Variants in BAIAP2 observed in about 807,000 individuals in gnomAD.
The protein encoded by BAIAP2 is BAR/IMD domain-containing adapter protein 2.
In BAIAP2, 18 loss-of-function variants were observed where a neutral mutation model predicts 63.0. That is an observed-to-expected ratio of 0.29 (90% CI 0.20 to 0.42). BAIAP2 has a LOEUF of 0.42. Ranked by LOEUF, BAIAP2 falls within the 10% of genes least tolerant of loss-of-function variation. The pLI, the probability that BAIAP2 is intolerant of heterozygous loss-of-function variation, is 1.00. For missense variants in BAIAP2, 610 were observed against 734.3 expected (o/e 0.83, Z 1.96); for synonymous variants, 386 against 307.6 (o/e 1.25, Z -2.67).
intron 7 of BAIAP2, 138 bp from the exon 8 acceptor site, chr17:81,103,364 T>C (rs1365310933): frequency 2.2e-5 from 18 of 803,638 alleles, no homozygotes; most frequent in Non-Finnish European, 1.9e-6. Context: ...ACGGGTGGCC[T>C]GTCTCGCCGA....
chr17:81,100,179 CA>C, intron 7 of BAIAP2, 99 bp downstream of exon 7: 1 of 1,424,888 alleles, frequency 7.0e-7, no homozygotes, highest in Non-Finnish European at 9.3e-7. Flanking sequence ...CACACCGGGG[CA>C]GTGTCCAGGC....
chr17:81,098,280 G>A, intron 6 of BAIAP2: 1 of 1,060,200 alleles, frequency 9.4e-7, no homozygotes, highest in Non-Finnish European at 1.2e-6. Context: ...GGGCCTGGGA[G>A]GCAGCGGCCG....
Position 81,116,307 on chromosome 17 carries a change from C to A in BAIAP2, c.*468C>A. 6.2e-7 allele frequency: 1 copy of A among 1,612,822 alleles called. No individual in the cohort carries two copies. Among genetic ancestry groups the A allele is most frequent in the Non-Finnish European group, 8.5e-7 (1 of 1,179,912 alleles). ...GCCCGCACCCTGGCTGGAAGATGAA[C>A]TTCCCGTAAGCACGTAATTCCCTGC... On this transcript the variant is annotated 3_prime_UTR_variant, in exon 14 of 14. Transcript: ENST00000428708.
intron 13 of BAIAP2, chr17:81,109,300 G>A (rs2059588449): frequency 8.4e-7 from 1 of 1,186,994 alleles, no homozygotes; most frequent in African/African-American, 1.6e-5. Context: ...ACCCTGCAGT[G>A]TCTGTGGCAC....
At chr17:81,110,300 AC>A (rs1273202528) in intron 13 of BAIAP2, 1 of 985,898 alleles carries the variant, frequency 1.0e-6, no homozygotes, top group African/African-American at 1.7e-5. Context: ...CTGTGTAGAG[AC>A]CCTTCCGCGC....
chr17:81,036,018 G>C (rs1373813428), intron 1 of BAIAP2: 1 of 152,250 alleles, frequency 6.6e-6, no homozygotes, highest in Non-Finnish European at 1.5e-5. Context: ...CTTCAGATGT[G>C]TTAAGAGTGG....
At position 81,099,496 on chromosome 17, in the gene BAIAP2, C is replaced by T. The variant is rs865825647; in HGVS notation, c.490-432C>T. 7.4e-4 allele frequency among the ~76,000 whole-genome samples: 112 copies of T among 152,300 alleles called. 1 individual carries two copies. The highest frequency in any genetic ancestry group is 2.6e-3 in the African/African-American group (107 of 41,576). On this transcript the variant is annotated intron_variant, in intron 6 of 13. Transcript: ENST00000428708. ...GGCAGAGGCACAGGTGAGAGTGCTC[C>T]AGGCAACAGGGGGAAGGACCAAGAA...
intron 6 of BAIAP2, among the ~76,000 whole-genome samples, chr17:81,088,761 C>G (rs1459922064): frequency 6.6e-6 from 1 of 152,266 alleles, no homozygotes. Flanking sequence ...GTACCGGAGG[C>G]TCCATCCTGC....
intron 1 of BAIAP2, among the ~76,000 whole-genome samples, chr17:81,048,736 T>C (rs1369236718): frequency 6.6e-6 from 1 of 152,124 alleles, no homozygotes; most frequent in Non-Finnish European, 1.5e-5. Context: ...CTGGGGTCCC[T>C]GGGGGCTGTA....
intron 12 of BAIAP2, chr17:81,107,372 C>T (rs1369772738): frequency 2.5e-5 from 4 of 158,096 alleles, no homozygotes; most frequent in East Asian, 1.9e-4. Flanking sequence ...GGACCCCTTC[C>T]AGTCAGTGTG....
chr17:81,085,145 G>T, intron 4 of BAIAP2: 2 of 568,722 alleles, frequency 3.5e-6, no homozygotes, highest in South Asian at 4.0e-5. Flanking sequence ...TCCAGGGAGA[G>T]TCCTGATCGC....
At chr17:81,091,557 C>T (rs1334196097) in intron 6 of BAIAP2, among the ~76,000 whole-genome samples, 5 of 152,218 alleles carry the variant, frequency 3.3e-5, no homozygotes, top group Non-Finnish European at 7.3e-5. Flanking sequence ...TGTGGGGTCA[C>T]TGGCGACCAT....
chr17:81,050,056 C>T (rs56933243), intron 1 of BAIAP2, among the ~76,000 whole-genome samples: 4,446 of 152,306 alleles, frequency 0.029, 219 homozygotes, highest in African/African-American at 0.1. Context: ...GGGCTCCTCC[C>T]GTGGTTCCTG....
rs72852963 is a variant in BAIAP2 at position 81,064,723 on chromosome 17, G to C, written c.217+6756G>C. On this transcript the variant is annotated intron_variant, in intron 3 of 13. Coordinates refer to ENST00000428708, the MANE Select transcript of BAIAP2 (RefSeq NM_001144888.2). ...TCTTTCTGTACCTGTGGCTCTGGCC[G>C]TCTGGCACACAGCTGGGGAGGCAGC... Among the ~76,000 whole-genome samples, 1,095 of 152,316 alleles carry C rather than the reference G, an allele frequency of 7.2e-3. 7 individuals carry two copies. The highest frequency in any genetic ancestry group is 0.011 in the Non-Finnish European group (747 of 68,032).
chr17:81,060,156 G>A (rs551302296), intron 3 of BAIAP2, among the ~76,000 whole-genome samples: 2 of 152,296 alleles, frequency 1.3e-5, no homozygotes, highest in East Asian at 3.9e-4. Flanking sequence ...TGGGAGTCAG[G>A]TTTTCTTCCC....
At chr17:81,049,401 C>A (rs528130824) in intron 1 of BAIAP2, among the ~76,000 whole-genome samples, 1 of 152,140 alleles carries the variant, frequency 6.6e-6, no homozygotes, top group East Asian at 1.9e-4. Context: ...GTGGGGGTGG[C>A]GCCTCTGAGG....
chr17:81,060,779 G>A (rs571621198), intron 3 of BAIAP2, among the ~76,000 whole-genome samples: 16 of 152,206 alleles, frequency 1.1e-4, no homozygotes, highest in African/African-American at 3.6e-4. Flanking sequence ...CGGCTCCCTC[G>A]GCTGCGTGTC....
At chr17:81,039,040 G>A (rs1199936426) in intron 1 of BAIAP2, among the ~76,000 whole-genome samples, 1 of 152,250 alleles carries the variant, frequency 6.6e-6, no homozygotes, top group Non-Finnish European at 1.5e-5. Context: ...ACTTCCTGGG[G>A]TGGCCCCCAT....
At chr17:81,086,614 T>C in intron 6 of BAIAP2, 34 bp downstream of exon 6, 1 of 1,610,888 alleles carries the variant, frequency 6.2e-7, no homozygotes, top group African/African-American at 1.3e-5. Context: ...GTGCCTCTCC[T>C]GCCACCTTGG....
Sources: allele counts gnomAD v4.1 joint callset (sites outside exome capture counted in the v4.1 genomes callset), GRCh38; gene constraint gnomAD v4.1.1; transcripts MANE v1.5; gene names NCBI Gene and HGNC (gene_info 2026-07-23, HGNC 2026-07-21).